Variants in PRKG1 observed in about 807,000 individuals in gnomAD.
PRKG1 encodes protein kinase cGMP-dependent 1.
Under a neutral mutation model 88.1 loss-of-function variants are expected in PRKG1, and 35 were observed. The observed-to-expected ratio is 0.40, with a 90% CI of 0.30 to 0.53. The LOEUF is 0.53. PRKG1 is among the 20% of genes least tolerant of loss of function. PRKG1 has a pLI of 0.59. For missense variants in PRKG1, 540 were observed against 839.8 expected (o/e 0.64, Z 4.41); for synonymous variants, 303 against 292.5 (o/e 1.04, Z -0.37).
At chr10:51,066,230 A>G (rs185086229) in intron 1 of PRKG1, among the ~76,000 whole-genome samples, 3 of 152,240 alleles carry the variant, frequency 2.0e-5, no homozygotes, top group Admixed American at 2.0e-4. Flanking sequence ...ATCCCATTGT[A>G]GTCCTTCCTT....
intron 3 of PRKG1, among the ~76,000 whole-genome samples, chr10:51,478,927 A>C (rs1296949429): frequency 1.3e-5 from 2 of 151,544 alleles, no homozygotes; most frequent in Admixed American, 6.6e-5. Flanking sequence ...AAAAAAATCG[A>C]CTCCCTTTGT....
chr10:51,734,908 A>G (rs537583940), intron 3 of PRKG1, among the ~76,000 whole-genome samples: 1 of 152,222 alleles, frequency 6.6e-6, no homozygotes, highest in African/African-American at 2.4e-5. Context: ...ATAAGGTCCC[A>G]TCTATAGTGT....
chr10:52,119,301 GA>G (rs1847761303), intron 7 of PRKG1, among the ~76,000 whole-genome samples: 1 of 152,056 alleles, frequency 6.6e-6, no homozygotes. Context: ...CCATGATTTT[GA>G]TCAACATTTC....
At position 51,946,568 on chromosome 10, in the gene PRKG1, G is replaced by GT. The variant is rs1360327258; in HGVS notation, c.762+39004dup. ...TTAGAGTTTCCAGTTTTTCTGCTCT[G>GT]TTTTTTCCCCATCTTTGTGGTTTTA... On this transcript the variant is annotated intron_variant, in intron 5 of 17. Transcript: ENST00000373980. 1.3e-5 allele frequency among the ~76,000 whole-genome samples: 2 copies of GT among 151,998 alleles called. 1 individual carries two copies. Among genetic ancestry groups the GT allele is most frequent in the African/African-American group, 4.8e-5 (2 of 41,266 alleles).
chr10:52,273,495 C>T (rs1286911418), intron 12 of PRKG1, among the ~76,000 whole-genome samples: 1 of 151,968 alleles, frequency 6.6e-6, no homozygotes, highest in Admixed American at 6.6e-5. Context: ...TTTGCAGATA[C>T]CCCAGAATAA....
chr10:51,389,943 T>C (rs1002289491), intron 2 of PRKG1, among the ~76,000 whole-genome samples: 3 of 152,176 alleles, frequency 2.0e-5, no homozygotes, highest in Admixed American at 1.3e-4. Context: ...TGGAAAAGTA[T>C]GTTTATGGAC....
At chr10:51,886,766 T>G (rs1284743882) in intron 4 of PRKG1, among the ~76,000 whole-genome samples, 3 of 152,178 alleles carry the variant, frequency 2.0e-5, no homozygotes, top group Non-Finnish European at 4.4e-5. Context: ...AAGACATTTG[T>G]CCTTGGGTAT....
chr10:51,724,754 G>A (rs1842091038), intron 3 of PRKG1, among the ~76,000 whole-genome samples: 1 of 151,930 alleles, frequency 6.6e-6, no homozygotes, highest in Admixed American at 6.6e-5. Context: ...GAGTGCGGTG[G>A]CACTATCACA....
chr10:52,251,693 T>A (rs1411008993), intron 10 of PRKG1, 27 bp downstream of exon 10: 1 of 1,551,574 alleles, frequency 6.4e-7, no homozygotes, highest in Non-Finnish European at 8.9e-7. Context: ...TAAATGCTTT[T>A]GATCGCCTCT....
chr10:51,782,178 CA>C (rs1306770256), intron 3 of PRKG1, among the ~76,000 whole-genome samples: 1 of 152,040 alleles, frequency 6.6e-6, no homozygotes, highest in Non-Finnish European at 1.5e-5. Context: ...ATATAAAAAG[CA>C]AATACAGATG....
intron 3 of PRKG1, among the ~76,000 whole-genome samples, chr10:51,684,726 G>A (rs189012091): frequency 7.6e-4 from 115 of 152,154 alleles, no homozygotes; most frequent in Non-Finnish European, 1.4e-3. Context: ...ACTTAGCTGG[G>A]CATGGTGGTG....
At chr10:51,268,967 A>G (rs990325546) in intron 2 of PRKG1, among the ~76,000 whole-genome samples, 2 of 152,172 alleles carry the variant, frequency 1.3e-5, no homozygotes, top group African/African-American at 2.4e-5. Flanking sequence ...CGGTCCTTCC[A>G]TTCGGGGTCC....
At chr10:51,760,469 T>C (rs1452621141) in intron 3 of PRKG1, among the ~76,000 whole-genome samples, 1 of 118,612 alleles carries the variant, frequency 8.4e-6, no homozygotes, top group Non-Finnish European at 2.0e-5. Flanking sequence ...TGCTTGACTT[T>C]TCGTTTTTTT....
At chr10:51,874,658 A>G (rs1206477654) in intron 4 of PRKG1, among the ~76,000 whole-genome samples, 2 of 152,222 alleles carry the variant, frequency 1.3e-5, no homozygotes, top group Non-Finnish European at 2.9e-5. Flanking sequence ...GATAATCACA[A>G]GCTATAGCAA....
chr10:51,600,528 G>A (rs1437120353), intron 3 of PRKG1, among the ~76,000 whole-genome samples: 1 of 152,122 alleles, frequency 6.6e-6, no homozygotes, highest in African/African-American at 2.4e-5. Context: ...AAATTTTCTA[G>A]TAGCTAAGTT....
At chr10:51,220,027 C>T (rs995504166) in intron 2 of PRKG1, among the ~76,000 whole-genome samples, 2 of 152,118 alleles carry the variant, frequency 1.3e-5, no homozygotes, top group Non-Finnish European at 2.9e-5. Flanking sequence ...TTACCAGCTC[C>T]TGGCAGAAAA....
chr10:52,100,707 T>C (rs887313726), intron 7 of PRKG1, among the ~76,000 whole-genome samples: 1 of 152,228 alleles, frequency 6.6e-6, no homozygotes, highest in Non-Finnish European at 1.5e-5. Flanking sequence ...TTATCCAAGA[T>C]GAATTGTTAA....
chr10:52,199,214 A>C (rs1475903559), intron 9 of PRKG1, among the ~76,000 whole-genome samples: 41 of 152,122 alleles, frequency 2.7e-4, no homozygotes. Flanking sequence ...ATTTTGACCT[A>C]GGCATTTCTT....
At chr10:52,051,786 G>A (rs908763395) in intron 5 of PRKG1, among the ~76,000 whole-genome samples, 5 of 152,166 alleles carry the variant, frequency 3.3e-5, no homozygotes, top group African/African-American at 9.6e-5. Flanking sequence ...TCTGTGGGAA[G>A]CTCCCTTCCA....
Sources: gnomAD v4.1 joint callset for allele counts (sites outside exome capture counted in the v4.1 genomes callset) on GRCh38, gnomAD v4.1.1 for gene constraint, MANE v1.5 for transcripts, NCBI Gene and HGNC (gene_info 2026-07-23, HGNC 2026-07-21) for gene names.